Variants in CYTH1 observed in about 807,000 individuals in gnomAD.
The protein encoded by CYTH1 is cytohesin 1.
In CYTH1, 18 loss-of-function variants were observed where a neutral mutation model predicts 61.8. The observed-to-expected ratio is 0.29, with a 90% CI of 0.20 to 0.43. The LOEUF (loss-of-function observed/expected upper bound fraction) is 0.43. Ranked by LOEUF, CYTH1 falls within the 20% of genes least tolerant of loss-of-function variation. CYTH1 has a pLI of 1.00. For synonymous variants in CYTH1, 174 were observed against 184.3 expected (o/e 0.94, Z 0.45); for missense variants, 336 against 510.5 (o/e 0.66, Z 3.29).
At chr17:78,689,304 A>G (rs1217308151) in intron 11 of CYTH1, among the ~76,000 whole-genome samples, 1 of 152,174 alleles carries the variant, frequency 6.6e-6, no homozygotes, top group Non-Finnish European at 1.5e-5. Context: ...GTCTCTGTGG[A>G]GTCAAACCTC....
At chr17:78,743,119 C>CT (rs2093347547) in intron 1 of CYTH1, among the ~76,000 whole-genome samples, 2 of 151,908 alleles carry the variant, frequency 1.3e-5, no homozygotes, top group Non-Finnish European at 2.9e-5. Context: ...TTTGTAGAGA[C>CT]AGAAAGATGT....
At position 78,760,553 on chromosome 17, in the gene CYTH1, A is replaced by ATATG. The variant is rs1254278805; in HGVS notation, c.22+21645_22+21648dup. On this transcript the variant is annotated intron_variant, in intron 1 of 13. Transcript: ENST00000446868. ...TATACATACATATATATGTATATAT[A>ATATG]TATGTATATATATATACACATACAT... Among the ~76,000 whole-genome samples, 9 of 27,970 alleles carry ATATG rather than the reference A, an allele frequency of 3.2e-4. 2 individuals carry two copies. Among genetic ancestry groups the ATATG allele is most frequent in the Non-Finnish European group, 7.5e-4 (9 of 11,994 alleles). The allele number at this position is 27,970 out of a possible 152,430, so 18.3% of individuals were successfully genotyped here.
intron 13 of CYTH1, among the ~76,000 whole-genome samples, chr17:78,679,475 C>T (rs1382564695): frequency 6.6e-6 from 1 of 152,208 alleles, no homozygotes; most frequent in African/African-American, 2.4e-5. Flanking sequence ...GACCCTCGCA[C>T]AGGGACTGGA....
chr17:78,706,811 T>A (rs2093071578), intron 3 of CYTH1, among the ~76,000 whole-genome samples: 1 of 152,218 alleles, frequency 6.6e-6, no homozygotes, highest in Admixed American at 6.5e-5. Context: ...CCCCTACAAC[T>A]AATGATGTTA....
At chr17:78,747,943 C>A (rs1189485664) in intron 1 of CYTH1, among the ~76,000 whole-genome samples, 1 of 152,164 alleles carries the variant, frequency 6.6e-6, no homozygotes, top group African/African-American at 2.4e-5. Flanking sequence ...GGCCCTTGAG[C>A]CCCTATGCTC....
intron 1 of CYTH1, among the ~76,000 whole-genome samples, chr17:78,777,952 A>G (rs151184568): frequency 9.7e-4 from 147 of 152,314 alleles, no homozygotes; most frequent in African/African-American, 3.4e-3. Context: ...TGTTGAAAAC[A>G]GCGCACACAC....
At chr17:78,721,517 CA>C (rs2093228405) in intron 1 of CYTH1, among the ~76,000 whole-genome samples, 1 of 152,202 alleles carries the variant, frequency 6.6e-6, no homozygotes, top group Admixed American at 6.5e-5. Flanking sequence ...TCCCCACTAA[CA>C]GTAAATCTAT....
chr17:78,737,769 A>C (rs1345325529), intron 1 of CYTH1, among the ~76,000 whole-genome samples: 3 of 152,136 alleles, frequency 2.0e-5, no homozygotes, highest in Non-Finnish European at 2.9e-5. Context: ...AGGAAAAAAA[A>C]CACCTTAATC....
chr17:78,725,188 C>G (rs1367445116), intron 1 of CYTH1, among the ~76,000 whole-genome samples: 1 of 152,136 alleles, frequency 6.6e-6, no homozygotes, highest in Non-Finnish European at 1.5e-5. Flanking sequence ...CTCATCCTCA[C>G]CATCCGCCAT....
chr17:78,750,766 C>T (rs889335100), intron 1 of CYTH1, among the ~76,000 whole-genome samples: 9 of 150,038 alleles, frequency 6.0e-5, no homozygotes, highest in African/African-American at 2.0e-4. Flanking sequence ...CACACCAATG[C>T]GCTCCAGACT....
chr17:78,744,733 C>G (rs752206528), intron 1 of CYTH1, among the ~76,000 whole-genome samples: 2 of 151,726 alleles, frequency 1.3e-5, no homozygotes, highest in African/African-American at 2.4e-5. Context: ...TACCTTGTAC[C>G]TAGCAAAGCA....
intron 1 of CYTH1, among the ~76,000 whole-genome samples, chr17:78,738,955 C>T (rs1206304667): frequency 1.3e-5 from 2 of 152,234 alleles, no homozygotes; most frequent in Non-Finnish European, 2.9e-5. Flanking sequence ...AAAGTGCTTG[C>T]CACGTCCCTG....
chr17:78,718,312 G>A (rs1470915326), intron 1 of CYTH1, among the ~76,000 whole-genome samples: 1 of 150,568 alleles, frequency 6.6e-6, no homozygotes, highest in Admixed American at 6.6e-5. Flanking sequence ...AACAGCAGTG[G>A]CAGTAATGAA....
chr17:78,780,813 C>A (rs2093513910), intron 1 of CYTH1, among the ~76,000 whole-genome samples: 1 of 152,128 alleles, frequency 6.6e-6, no homozygotes, highest in South Asian at 2.1e-4. Context: ...TCAAGACCAG[C>A]CTGGCCAACA....
Position 78,698,907 on chromosome 17 carries a change from A to T in CYTH1, c.612T>A (p.Asn204Lys). Residue 204 changes from asparagine to lysine, a missense_variant, in exon 8 of 14, where the codon AAT (asparagine) becomes AAA (lysine). Coordinates refer to ENST00000446868, the MANE Select transcript of CYTH1 (RefSeq NM_004762.6). ...IMLNTSLHNP[N>K]VKDKPTVERF... ...TCTCCACAGTGGGCTTATCTTTGAC[A>T]TTGGGGTTGTGCAGACTGGTGTTCA... The T allele has an allele frequency of 6.2e-7, 1 of 1,612,208 alleles. No homozygotes were observed. The highest frequency in any genetic ancestry group is 8.5e-7 in the Non-Finnish European group (1 of 1,179,390).
intron 1 of CYTH1, among the ~76,000 whole-genome samples, chr17:78,767,276 T>C (rs926547869): frequency 2.6e-5 from 4 of 152,176 alleles, no homozygotes; most frequent in African/African-American, 7.2e-5. Flanking sequence ...AAGACCAGCC[T>C]GATCAACATA....
At chr17:78,727,055 G>GCAT (rs2144573868) in intron 1 of CYTH1, among the ~76,000 whole-genome samples, 1 of 152,338 alleles carries the variant, frequency 6.6e-6, no homozygotes, top group South Asian at 2.1e-4. Flanking sequence ...AGGGCAATGT[G>GCAT]CATCAATCAT....
At chr17:78,757,867 G>C (rs888896331) in intron 1 of CYTH1, among the ~76,000 whole-genome samples, 2 of 151,250 alleles carry the variant, frequency 1.3e-5, no homozygotes, top group African/African-American at 4.9e-5. Flanking sequence ...AGCCAAGATC[G>C]CACCACTGCA....
chr17:78,681,205 C>A, intron 11 of CYTH1, 163 bp from the exon 12 acceptor site: 1 of 656,794 alleles, frequency 1.5e-6, no homozygotes, highest in South Asian at 1.9e-5. Context: ...AGAATAACAC[C>A]AAAAATGTCT....
Sources: gnomAD v4.1 joint callset for allele counts (sites outside exome capture counted in the v4.1 genomes callset) on GRCh38, gnomAD v4.1.1 for gene constraint, MANE v1.5 for transcripts, NCBI Gene and HGNC (gene_info 2026-07-23, HGNC 2026-07-21) for gene names.